COG3: variants seen among roughly 807,000 people sequenced by gnomAD.
COG3 encodes conserved oligomeric Golgi complex subunit 3.
Under a neutral mutation model 114.1 loss-of-function variants are expected in COG3, and 32 were observed. The ratio of observed to expected loss-of-function variants is 0.28; its 90% CI spans 0.21 to 0.38. The LOEUF (loss-of-function observed/expected upper bound fraction) is 0.38. Among genes scored for constraint, COG3 ranks in the 10% least tolerant of loss-of-function variants. The pLI is 1.00. For missense variants in COG3, 813 were observed against 973.2 expected (o/e 0.84, Z 2.19); for synonymous variants, 352 against 365.7 (o/e 0.96, Z 0.43).
At chr13:45,527,673 C>T (rs1453402064) in intron 20 of COG3, among the ~76,000 whole-genome samples, 1 of 152,140 alleles carries the variant, frequency 6.6e-6, no homozygotes, top group Non-Finnish European at 1.5e-5. Context: ...TTAATTTACT[C>T]TGACGAAGAA....
chr13:45,527,711 T>C (rs1219659060), intron 20 of COG3, among the ~76,000 whole-genome samples: 1 of 152,144 alleles, frequency 6.6e-6, no homozygotes, highest in African/African-American at 2.4e-5. Context: ...GAGGACACTT[T>C]AGTCACCAGC....
intron 1 of COG3, 112 bp downstream of exon 1, chr13:45,465,322 C>G (rs1294190434): frequency 7.0e-7 from 1 of 1,433,144 alleles, no homozygotes; most frequent in Admixed American, 2.8e-5. Context: ...CTCCACTCCT[C>G]CCTGGCCATG....
chr13:45,492,296 C>T (rs770891636), intron 11 of COG3, 46 bp downstream of exon 11: 1 of 1,092,104 alleles, frequency 9.2e-7, no homozygotes, highest in Admixed American at 1.9e-5. Flanking sequence ...ATTTAACTTG[C>T]TAATGACCAT....
intron 1 of COG3, 62 bp downstream of exon 1, chr13:45,465,272 G>T (rs11619408): frequency 0.37 from 585,532 of 1,580,756 alleles, 111,997 homozygotes; most frequent in Admixed American, 0.44. Flanking sequence ...CGGGCGCCCC[G>T]GCAGGACCCC....
At chr13:45,492,023 C>T in intron 10 of COG3, 136 bp from the exon 11 acceptor site, 1 of 524,836 alleles carries the variant, frequency 1.9e-6, no homozygotes, top group Non-Finnish European at 3.4e-6. Context: ...GAAAACCAAC[C>T]ATTTTCCGTT....
Position 45,511,799 on chromosome 13 carries a change from T to C in COG3, c.1754T>C (p.Leu585Ser). The C allele has an allele frequency of 1.2e-6, 2 of 1,614,082 alleles. No individual in the cohort carries two copies. Among genetic ancestry groups the C allele is most frequent in the Non-Finnish European group, 1.7e-6 (2 of 1,179,942 alleles). ...AVFQGLSQEALSACIQSLLGA... is the reference protein window; with the variant it reads ...AVFQGLSQEASSACIQSLLGA... ...TTCCAAGGATTATCACAGGAAGCAT[T>C]GTCTGCCTGCATTCAGTCCTTACTT... The change falls in exon 16 of 23, where the codon TTG (leucine) becomes TCG (serine). Residue 585 changes from leucine to serine, a missense_variant. Leu to Ser is a moderately radical substitution (Grantham distance 145). Coordinates refer to ENST00000349995, the MANE Select transcript of COG3 (RefSeq NM_031431.4).
chr13:45,525,633 G>GTTTTTTTTTTTTTTTTT lies in COG3; in HGVS notation c.2230+582_2230+583insTTTTTTTTTTTTTTTTT, dbSNP rs1566273037. ...AATTTTTTTGTGCTGGAGGGCTTTG[G>GTTTTTTTTTTTTTTTTT]GTTTTTTTTTTTTTTTTTTGGTCTT... On this transcript the variant is annotated intron_variant, in intron 20 of 22. Coordinates refer to ENST00000349995, the MANE Select transcript of COG3 (RefSeq NM_031431.4). Among the ~76,000 whole-genome samples the GTTTTTTTTTTTTTTTTT allele has an allele frequency of 1.4e-3, 19 of 13,926 alleles. 1 individual carries two copies. The highest frequency in any genetic ancestry group is 6.5e-3 in the African/African-American group (18 of 2,774). The allele number at this position is 13,926 out of a possible 152,430, so 9.1% of individuals were successfully genotyped here.
At chr13:45,476,384 T>C (rs2986001) in intron 2 of COG3, 37 bp downstream of exon 2, 663,138 of 1,594,992 alleles carry the variant, frequency 0.42, 141,346 homozygotes, top group Middle Eastern at 0.59. Flanking sequence ...TGTTTGATTA[T>C]TTCAGATGTC....
chr13:45,509,889 G>T, intron 15 of COG3, 73 bp downstream of exon 15: 1 of 1,386,614 alleles, frequency 7.2e-7, no homozygotes, highest in South Asian at 1.4e-5. Flanking sequence ...TTAAGATCTT[G>T]ATAAAGTATT....
rs201054253 is a variant in COG3 at position 45,482,416 on chromosome 13, C to T, written c.660C>T (p.Asp220=). 1.6e-5 allele frequency: 25 copies of T among 1,570,548 alleles called. No individual in the cohort carries two copies. The highest frequency in any genetic ancestry group is 1.7e-4 in the Middle Eastern group (1 of 5,972). The part of the protein sequence containing the change: ...LNSPTLSVNS[D]GFIPMLAKLD... ...CCCCTACATTGTCGGTGAATAGTGA[C>T]GGATTTATACCTATGCTGGCCAAGT... The change falls in exon 6 of 23, where the codon GAC becomes GAT. Residue 220 remains aspartate, a synonymous_variant. Transcript: ENST00000349995.
chr13:45,494,323 C>G (rs1217490149), intron 12 of COG3, among the ~76,000 whole-genome samples: 1 of 125,906 alleles, frequency 7.9e-6, no homozygotes, highest in Non-Finnish European at 1.6e-5. Flanking sequence ...AAGACTCTGT[C>G]TTAAAAAAAA....
intron 8 of COG3, 68 bp from the exon 9 acceptor site, chr13:45,490,847 T>G (rs1482003259): frequency 3.7e-6 from 3 of 809,252 alleles, no homozygotes; most frequent in East Asian, 5.7e-5. Context: ...ACAATTAATA[T>G]TATAATCAGA....
chr13:45,484,577 CTTATTTATTTATTTATTTAT>C (rs200717475), intron 7 of COG3, among the ~76,000 whole-genome samples: 23 of 137,404 alleles, frequency 1.7e-4, no homozygotes, highest in East Asian at 2.1e-4. Context: ...CCTAAGCTTG[CTTATTTATTTATTTATTTAT>C]TTATTTATTT....
At chr13:45,471,307 C>A (rs1885465243) in intron 1 of COG3, among the ~76,000 whole-genome samples, 1 of 152,086 alleles carries the variant, frequency 6.6e-6, no homozygotes, top group African/African-American at 2.4e-5. Flanking sequence ...GCAGCTCCAG[C>A]TACTTGGGAG....
chr13:45,489,131 G>C (rs1156893122), intron 8 of COG3, among the ~76,000 whole-genome samples: 2 of 139,440 alleles, frequency 1.4e-5, no homozygotes, highest in African/African-American at 5.4e-5. Flanking sequence ...AGGATGCAGT[G>C]AGCCAAGATA....
intron 1 of COG3, 94 bp downstream of exon 1, chr13:45,465,304 G>A (rs9534157): frequency 1.3e-5 from 19 of 1,495,756 alleles, no homozygotes; most frequent in Non-Finnish European, 1.7e-5. Context: ...CCTCTGCCCA[G>A]GATATCTCTC....
At chr13:45,529,722 CT>C in intron 20 of COG3, 68 bp from the exon 21 acceptor site, 1 of 1,203,086 alleles carries the variant, frequency 8.3e-7, no homozygotes, top group Non-Finnish European at 1.2e-6. Flanking sequence ...CTTTATTCCC[CT>C]TTGAATTAAA....
At chr13:45,489,386 C>T (rs1886887197) in intron 8 of COG3, among the ~76,000 whole-genome samples, 1 of 150,276 alleles carries the variant, frequency 6.7e-6, no homozygotes, top group Non-Finnish European at 1.5e-5. Context: ...TAACAGATGT[C>T]TAACTGGATG....
chr13:45,533,760 G>A (rs892299554), intron 22 of COG3, among the ~76,000 whole-genome samples: 1 of 152,216 alleles, frequency 6.6e-6, no homozygotes, highest in African/African-American at 2.4e-5. Context: ...CAGTTAGACA[G>A]CCTTTCTTGA....
Sources: allele counts gnomAD v4.1 joint callset (sites outside exome capture counted in the v4.1 genomes callset), GRCh38; gene constraint gnomAD v4.1.1; transcripts MANE v1.5; gene names NCBI Gene and HGNC (gene_info 2026-07-23, HGNC 2026-07-21).